ATP6V1G1: variants seen among roughly 807,000 people sequenced by gnomAD.
ATP6V1G1 encodes ATPase H+ transporting V1 subunit G1.
A neutral mutation model predicts 14.2 loss-of-function variants in ATP6V1G1; 14 were observed. The ratio of observed to expected loss-of-function variants is 0.99; its 90% CI spans 0.65 to 1.55. The LOEUF (loss-of-function observed/expected upper bound fraction) is 1.55. Among genes scored for constraint, ATP6V1G1 ranks in the 40% most tolerant of loss-of-function variants. The probability of loss-of-function intolerance (pLI) is 0.00; values close to 1 mark genes in which losing one functional copy is unlikely to be tolerated. For synonymous variants in ATP6V1G1, 65 were observed against 53.3 expected (o/e 1.22, Z -0.96); for missense variants, 137 against 146.4 (o/e 0.94, Z 0.33).
intron 2 of ATP6V1G1, 64 bp from the exon 3 acceptor site, chr9:114,597,506 A>C: frequency 7.2e-7 from 1 of 1,382,242 alleles, no homozygotes; most frequent in Non-Finnish European, 9.4e-7. Flanking sequence ...AGCTTACGAA[A>C]TGTACCTGAC....
chr9:114,596,409 TG>T (rs1845239231), intron 2 of ATP6V1G1, among the ~76,000 whole-genome samples: 1 of 147,398 alleles, frequency 6.8e-6, no homozygotes, highest in Non-Finnish European at 1.5e-5. Context: ...AAAAAAAGTG[TG>T]GGGGCAGCAA....
intron 1 of ATP6V1G1, among the ~76,000 whole-genome samples, chr9:114,591,761 A>T (rs1000149562): frequency 6.6e-6 from 1 of 151,854 alleles, no homozygotes; most frequent in Admixed American, 6.6e-5. Context: ...TAGATGCAGG[A>T]TGTCTTTTGC....
chr9:114,588,217 C>T (rs1364388225), intron 1 of ATP6V1G1: 1 of 407,538 alleles, frequency 2.5e-6, no homozygotes, highest in South Asian at 3.7e-5. Flanking sequence ...TTCTTCTCTC[C>T]CACTTAACCG....
At position 114,592,535 on chromosome 9, in the gene ATP6V1G1, C is replaced by G. The variant is rs147009891; in HGVS notation, c.83-17C>G. ...CTTTTAACCACTTCCTGATATAGCT[C>G]TCTCCTTTGAAAACAGGAAAGAACC... is the stretch of plus-strand genomic sequence containing the variant. On this transcript the variant is annotated splice_polypyrimidine_tract_variant and intron_variant, in intron 1 of 2. Transcript: ENST00000374050. 1 of 1,553,576 alleles carries G rather than the reference C, an allele frequency of 6.4e-7. No individual in the cohort carries two copies. Among genetic ancestry groups the G allele is most frequent in the Non-Finnish European group, 8.7e-7 (1 of 1,148,902 alleles).
intron 2 of ATP6V1G1, among the ~76,000 whole-genome samples, chr9:114,597,315 A>T (rs1004805411): frequency 6.6e-6 from 1 of 151,778 alleles, no homozygotes; most frequent in African/African-American, 2.4e-5. Flanking sequence ...TAGAGGAGAG[A>T]TGCGAATACA....
intron 1 of ATP6V1G1, 66 bp from the exon 2 acceptor site, chr9:114,592,486 A>G (rs549413854): frequency 4.9e-6 from 7 of 1,426,034 alleles, no homozygotes; most frequent in Non-Finnish European, 6.7e-6. Context: ...ATAATATACC[A>G]TCTTGTCTCT....
At chr9:114,597,442 C>A in intron 2 of ATP6V1G1, 128 bp from the exon 3 acceptor site, 1 of 927,946 alleles carries the variant, frequency 1.1e-6, no homozygotes, top group Non-Finnish European at 1.5e-6. Flanking sequence ...GTCATATTGC[C>A]AGCTTCTGAG....
chr9:114,590,572 C>T (rs554904368), intron 1 of ATP6V1G1, among the ~76,000 whole-genome samples: 17 of 152,030 alleles, frequency 1.1e-4, no homozygotes, highest in Non-Finnish European at 2.1e-4. Context: ...TGAGCGACTG[C>T]GCCTTGCCTG....
At chr9:114,588,105 C>A in intron 1 of ATP6V1G1, 185 bp downstream of exon 1, 2 of 649,242 alleles carry the variant, frequency 3.1e-6, no homozygotes, top group Non-Finnish European at 5.2e-6. Flanking sequence ...GCCTGGAAGC[C>A]ACGATGTGAG....
At chr9:114,594,929 G>T (rs1227030355) in intron 2 of ATP6V1G1, among the ~76,000 whole-genome samples, 1 of 136,308 alleles carries the variant, frequency 7.3e-6, no homozygotes, top group Non-Finnish European at 1.6e-5. Flanking sequence ...GCGCGATCTT[G>T]GCTCACTGCA....
chr9:114,592,648 C>G lies in ATP6V1G1; in HGVS notation c.179C>G (p.Ala60Gly). Residue 60 changes from alanine to glycine, a missense_variant, in exon 2 of 3, where the codon GCT becomes GGT. Physicochemically the swap from Ala to Gly is moderately conservative, Grantham distance 60. Transcript: ENST00000374050. ...GAGAAAGAATTCAAGGCCAAGGAAG[C>G]TGCGGTGGGGCACCATTTGTTTTTG... is the stretch of plus-strand genomic sequence containing the variant. ...QREKEFKAKE[A>G]AALGSRGSCS... is the part of the protein sequence containing the mutation. The G allele has an allele frequency of 1.3e-6, 2 of 1,572,558 alleles. No individual in the cohort carries two copies. Among genetic ancestry groups the G allele is most frequent in the Non-Finnish European group, 1.7e-6 (2 of 1,157,774 alleles).
At chr9:114,589,858 G>C (rs961278850) in intron 1 of ATP6V1G1, among the ~76,000 whole-genome samples, 1 of 152,122 alleles carries the variant, frequency 6.6e-6, no homozygotes, top group African/African-American at 2.4e-5. Context: ...TGTCAAGCCT[G>C]GTGCAGGGTT....
chr9:114,592,867 G>A (rs777792316), intron 2 of ATP6V1G1, among the ~76,000 whole-genome samples: 5 of 152,134 alleles, frequency 3.3e-5, no homozygotes, highest in African/African-American at 7.2e-5. Flanking sequence ...CATTTAACAC[G>A]TATCTGTTAA....
chr9:114,591,253 T>G (rs1217371929), intron 1 of ATP6V1G1, among the ~76,000 whole-genome samples: 1 of 152,152 alleles, frequency 6.6e-6, no homozygotes, highest in Non-Finnish European at 1.5e-5. Flanking sequence ...CTGTCAAAAT[T>G]GAATGTTGAA....
At position 114,597,587 on chromosome 9, in the gene ATP6V1G1, C is replaced by G; in HGVS notation, c.201C>G (p.Gly67=). The G allele has an allele frequency of 6.6e-7, 1 of 1,509,922 alleles. No homozygotes were observed. The highest frequency in any genetic ancestry group is 2.3e-5 in the Admixed American group (1 of 43,286). The allele number at this position is 1,509,922 out of a possible 1,614,324, so 93.5% of individuals were successfully genotyped here. A position where few individuals can be genotyped will look rare whatever the true frequency, so the allele number is the denominator to read the frequency against. The change falls in exon 3 of 3, where the codon GGC becomes GGG. Residue 67 remains glycine (G), a synonymous_variant. Transcript: ENST00000374050. ...ATCTCCAGGCATTGGGATCCCGTGG[C>G]AGTTGCAGCACTGAAGTGGAGAAGG... The part of the protein sequence containing the change: ...AKEAAALGSR[G]SCSTEVEKET...
intron 2 of ATP6V1G1, among the ~76,000 whole-genome samples, chr9:114,597,014 G>A (rs1272753372): frequency 1.6e-5 from 2 of 127,924 alleles, no homozygotes; most frequent in Admixed American, 8.6e-5. Context: ...TTTTTGAGAC[G>A]GAGTCTCGCT....
At chr9:114,592,211 A>G (rs1239791939) in intron 1 of ATP6V1G1, among the ~76,000 whole-genome samples, 1 of 152,218 alleles carries the variant, frequency 6.6e-6, no homozygotes, top group East Asian at 1.9e-4. Context: ...ACTTCTGGAG[A>G]AGAGTTCCCT....
At chr9:114,588,024 G>A (rs1351455469) in intron 1 of ATP6V1G1, 104 bp downstream of exon 1, 5 of 1,232,840 alleles carry the variant, frequency 4.1e-6, no homozygotes, top group East Asian at 5.1e-5. Context: ...GGGTGCGGGC[G>A]TGCGTATAGT....
At chr9:114,590,567 G>C (rs10982319) in intron 1 of ATP6V1G1, among the ~76,000 whole-genome samples, 27,976 of 151,344 alleles carry the variant, frequency 0.18, 2,756 homozygotes, top group Middle Eastern at 0.26. Context: ...AGATATGAGC[G>C]ACTGCGCCTT....
Sources: gnomAD v4.1 joint callset for allele counts (sites outside exome capture counted in the v4.1 genomes callset) on GRCh38, gnomAD v4.1.1 for gene constraint, MANE v1.5 for transcripts, NCBI Gene and HGNC (gene_info 2026-07-23, HGNC 2026-07-21) for gene names.